AJAP1: variants seen among roughly 807,000 people sequenced by gnomAD.
AJAP1 encodes the protein adherens junction-associated protein 1.
A neutral mutation model predicts 35.0 loss-of-function variants in AJAP1; 5 were observed. The ratio of observed to expected loss-of-function variants is 0.14; its 90% CI spans 0.07 to 0.30. The LOEUF (loss-of-function observed/expected upper bound fraction) is 0.30, where lower values mean the gene tolerates loss of function less well. Among genes scored for constraint, AJAP1 ranks in the 10% least tolerant of loss-of-function variants. The pLI, the probability that AJAP1 is intolerant of heterozygous loss-of-function variation, is 1.00. For synonymous variants in AJAP1, 284 were observed against 249.3 expected (o/e 1.14, Z -1.31); for missense variants, 586 against 571.0 (o/e 1.03, Z -0.27).
chr1:4,762,401 T>C (rs932492280), intron 2 of AJAP1, among the ~76,000 whole-genome samples: 1 of 152,148 alleles, frequency 6.6e-6, no homozygotes, highest in African/African-American at 2.4e-5. Flanking sequence ...CGTGGGGTAT[T>C]GTGGTATTAG....
At chr1:4,775,057 A>G (rs1449390825) in intron 5 of AJAP1, among the ~76,000 whole-genome samples, 1 of 152,222 alleles carries the variant, frequency 6.6e-6, no homozygotes, top group Non-Finnish European at 1.5e-5. Context: ...ATAAGAAAGA[A>G]AATGATAAAG....
chr1:4,769,964 G>T, intron 3 of AJAP1, 24 bp downstream of exon 3: 1 of 1,589,816 alleles, frequency 6.3e-7, no homozygotes, highest in Non-Finnish European at 8.6e-7. Context: ...GGCCCTTCTG[G>T]CCCAGAAATG....
At position 4,787,589 on chromosome 1, in the gene AJAP1, G is replaced by A. The variant is rs991551953; in HGVS notation, c.*5104G>A. ...AAATTCCTCTGTCATTCCAGCAAGA[G>A]TGGAAGCAGAGGGGCAGGGGCAGGG... On this transcript the variant is annotated 3_prime_UTR_variant, in exon 6 of 6. Transcript: ENST00000378191. The A allele has an allele frequency of 1.9e-5, 8 of 430,262 alleles. No homozygotes were observed. The highest frequency in any genetic ancestry group is 1.6e-4 in the African/African-American group (8 of 49,148). 26.7% of individuals were successfully genotyped at this position (430,262 alleles called of 1,614,324 possible). A position where few individuals can be genotyped will look rare whatever the true frequency, so the allele number is the denominator to read the frequency against.
At chr1:4,780,944 G>A (rs965607224) in intron 5 of AJAP1, among the ~76,000 whole-genome samples, 4 of 152,096 alleles carry the variant, frequency 2.6e-5, no homozygotes, top group African/African-American at 7.2e-5. Context: ...TTGTCCACAC[G>A]GATGTCATTT....
Position 4,668,655 on chromosome 1 carries a change from G to A in AJAP1, c.29+13201G>A, listed in dbSNP as rs150310350. Among the ~76,000 whole-genome samples the A allele has an allele frequency of 2.1e-4, 32 of 152,284 alleles. No homozygotes were observed. The East Asian group carries it at 6.0e-3, about 29-fold the overall frequency. ...TGTGCCCGTAACTCAGGCTCTGGTG[G>A]CTCAGTCCTGGGACGGGGATTCCTG... On this transcript the variant is annotated intron_variant, in intron 1 of 5. Coordinates refer to ENST00000378191, the MANE Select transcript of AJAP1 (RefSeq NM_018836.4).
At chr1:4,761,608 G>A (rs1255808718) in intron 2 of AJAP1, among the ~76,000 whole-genome samples, 1 of 152,192 alleles carries the variant, frequency 6.6e-6, no homozygotes, top group Admixed American at 6.5e-5. Context: ...TAACAGGATT[G>A]ATGTATATAT....
intron 2 of AJAP1, among the ~76,000 whole-genome samples, chr1:4,718,845 G>A (rs1410971911): frequency 1.3e-5 from 2 of 152,156 alleles, no homozygotes; most frequent in African/African-American, 4.8e-5. Flanking sequence ...CAGGCCTGGA[G>A]AGGTGCCTTT....
intron 1 of AJAP1, among the ~76,000 whole-genome samples, chr1:4,668,690 G>C (rs1345533571): frequency 2.6e-5 from 4 of 152,136 alleles, no homozygotes; most frequent in African/African-American, 9.7e-5. Context: ...GGGGAGTGTG[G>C]GGCTCATCCA....
chr1:4,730,049 A>G (rs1640763185), intron 2 of AJAP1, among the ~76,000 whole-genome samples: 1 of 152,194 alleles, frequency 6.6e-6, no homozygotes. Flanking sequence ...CAGAAGAGAG[A>G]AGCCTTAAAG....
intron 2 of AJAP1, among the ~76,000 whole-genome samples, chr1:4,714,401 T>C (rs750945778): frequency 6.6e-6 from 1 of 152,196 alleles, no homozygotes; most frequent in Non-Finnish European, 1.5e-5. Context: ...TCAGCAGCCA[T>C]CATCATAGTA....
intron 1 of AJAP1, among the ~76,000 whole-genome samples, chr1:4,668,739 G>C (rs1639190767): frequency 6.6e-6 from 1 of 152,172 alleles, no homozygotes; most frequent in Non-Finnish European, 1.5e-5. Context: ...TGGAGCCGGG[G>C]TCCCCTGCCT....
chr1:4,675,781 C>T (rs1057090806), intron 1 of AJAP1, among the ~76,000 whole-genome samples: 1 of 152,212 alleles, frequency 6.6e-6, no homozygotes, highest in Admixed American at 6.5e-5. Flanking sequence ...CCAGGTGCCT[C>T]ACATTATTCT....
At chr1:4,713,906 C>G (rs922958915) in intron 2 of AJAP1, among the ~76,000 whole-genome samples, 5 of 152,214 alleles carry the variant, frequency 3.3e-5, no homozygotes, top group Non-Finnish European at 4.4e-5. Flanking sequence ...AAGAGAACTG[C>G]TCTTCAGAGC....
intron 2 of AJAP1, among the ~76,000 whole-genome samples, chr1:4,729,532 G>A (rs1391423606): frequency 1.1e-5 from 1 of 95,194 alleles, no homozygotes; most frequent in Non-Finnish European, 2.2e-5. Context: ...TCTGGAGGAA[G>A]GCATCAGAGA....
At chr1:4,738,768 A>C (rs183918375) in intron 2 of AJAP1, among the ~76,000 whole-genome samples, 176 of 152,244 alleles carry the variant, frequency 1.2e-3, no homozygotes, top group African/African-American at 4.1e-3. Context: ...TAGGGATTCC[A>C]CTCCAGGGGG....
chr1:4,662,589 C>T (rs1237391096), intron 1 of AJAP1, among the ~76,000 whole-genome samples: 1 of 152,172 alleles, frequency 6.6e-6, no homozygotes, highest in Non-Finnish European at 1.5e-5. Context: ...CTTGCCTCCA[C>T]GTTATACTTT....
chr1:4,785,885 C>G lies in AJAP1; in HGVS notation c.*3400C>G, dbSNP rs1469477361. The G allele has an allele frequency of 6.6e-6, 1 of 152,234 alleles. No individual in the cohort carries two copies. The highest frequency in any genetic ancestry group is 1.5e-5 in the Non-Finnish European group (1 of 68,076). 9.4% of individuals were successfully genotyped at this position (152,234 alleles called of 1,614,324 possible). On this transcript the variant is annotated 3_prime_UTR_variant, in exon 6 of 6. Coordinates refer to ENST00000378191, the MANE Select transcript of AJAP1 (RefSeq NM_018836.4). ...CCCGCAATTGCAAACCCCCTGGCAGCCTCCTGGCACCTGCATTTGCCTTTA... is the reference window on the plus strand; with the variant it reads ...CCCGCAATTGCAAACCCCCTGGCAGGCTCCTGGCACCTGCATTTGCCTTTA...
At chr1:4,758,547 C>T (rs889373088) in intron 2 of AJAP1, among the ~76,000 whole-genome samples, 3 of 152,042 alleles carry the variant, frequency 2.0e-5, no homozygotes, top group Admixed American at 6.6e-5. Flanking sequence ...CATCAGGTCT[C>T]GTGAGAACTC....
intron 1 of AJAP1, among the ~76,000 whole-genome samples, chr1:4,694,022 G>A (rs1384338658): frequency 6.6e-6 from 1 of 152,228 alleles, no homozygotes; most frequent in Non-Finnish European, 1.5e-5. Flanking sequence ...GGGGTAGGGT[G>A]AGCAAAGGAG....
Sources: gnomAD v4.1 joint callset for allele counts (sites outside exome capture counted in the v4.1 genomes callset) on GRCh38, gnomAD v4.1.1 for gene constraint, MANE v1.5 for transcripts, NCBI Gene and HGNC (gene_info 2026-07-23, HGNC 2026-07-21) for gene names.